Variants in MKI67 observed in about 807,000 individuals in gnomAD.
The protein encoded by MKI67 is proliferation marker protein Ki-67.
A neutral mutation model predicts 233.5 loss-of-function variants in MKI67; 152 were observed. The ratio of observed to expected loss-of-function variants is 0.65; its 90% confidence interval spans 0.57 to 0.74. The LOEUF is 0.74. MKI67 is among the 30% of genes least tolerant of loss of function. The pLI, the probability that MKI67 is intolerant of heterozygous loss-of-function variation, is 0.00. For missense variants in MKI67, 3,940 were observed against 3,885.2 expected, an observed-to-expected ratio of 1.01 and a Z score of -0.37; for synonymous variants, 1,465 against 1,418.5, an observed-to-expected ratio of 1.03 and a Z score of -0.74.
At chr10:128,120,155 T>C (rs1484219465) in intron 4 of MKI67, among the ~76,000 whole-genome samples, 2 of 152,206 alleles carry the variant, frequency 1.3e-5, no homozygotes, top group East Asian at 1.9e-4. Context: ...GATAATATCT[T>C]GTTTTGAAAA....
At position 128,105,875 on chromosome 10, in the gene MKI67, C is replaced by G; in HGVS notation, c.5965G>C (p.Val1989Leu). 2 of 1,613,230 alleles carry G rather than the reference C, an allele frequency of 1.2e-6. No homozygotes were observed. Among genetic ancestry groups the G allele is most frequent in the Non-Finnish European group, 1.7e-6 (2 of 1,179,814 alleles). The change falls in exon 13 of 15, where the codon GTC becomes CTC. Residue 1989 changes from valine (V) to leucine (L), a missense_variant. Coordinates refer to ENST00000368654, the MANE Select transcript of MKI67 (RefSeq NM_002417.5). ...TGCTTGGAGCTTGTTGGGGTTTTGACTGGGTCTGGTTGTGGAGATTTGCAG... is the reference window on the plus strand; with the variant it reads ...TGCTTGGAGCTTGTTGGGGTTTTGAGTGGGTCTGGTTGTGGAGATTTGCAG... ...VSCKSPQPDP[V>L]KTPTSSKQRL...
In MKI67 at chr10:128,108,077, G is replaced by C; in HGVS notation, c.3763C>G (p.Gln1255Glu). Residue 1255 changes from glutamine (Q) to glutamate (E), a missense_variant, in exon 13 of 15, where the codon CAG (glutamine) becomes GAG (glutamate). Coordinates refer to ENST00000368654, the MANE Select transcript of MKI67 (RefSeq NM_002417.5). Reference sequence around the variant, plus strand: ...GTTGGGGTGTCCACTGGGTCTGACTGTGGAGAGTCGCAGGGTATTTTAGTG... The same window carrying C: ...GTTGGGGTGTCCACTGGGTCTGACTCTGGAGAGTCGCAGGGTATTTTAGTG... ...KTTKIPCDSPQSDPVDTPTST... is the reference protein window; with the variant it reads ...KTTKIPCDSPESDPVDTPTST... 3.1e-6 allele frequency: 5 copies of C among 1,613,696 alleles called. No individual in the cohort carries two copies. Among genetic ancestry groups the C allele is most frequent in the Non-Finnish European group, 4.2e-6 (5 of 1,179,974 alleles).
In MKI67 at chr10:128,103,835, G is replaced by A. The variant is rs34126970; in HGVS notation, c.8005C>T (p.Pro2669Ser). Residue 2669 changes from proline to serine, a missense_variant, in exon 13 of 15, where the codon CCT (proline) becomes TCT (serine). Pro to Ser is a moderately conservative substitution (Grantham distance 74). Transcript: ENST00000368654. ...EEPSRRRPRA[P>S]KEKAQPLEDL... ...TCCAGGGGTTGGGCCTTTTCCTTAG[G>A]TGCTCTTGGCCTTCTCCTGCTGGGT... 2,124 of 1,614,010 alleles carry A rather than the reference G, an allele frequency of 1.3e-3. 32 individuals carry two copies. The African/African-American group carries it at 0.024, about 19-fold the overall frequency.
Position 128,103,287 on chromosome 10 carries a change from C to G in MKI67, c.8553G>C (p.Val2851=). ...RPRTRAQKVE[V]KEELLAVGKL... ...TGCCAACTGCTAACAGCTCCTCCTT[C>G]ACTTCTACTTTCTGGGCACGTGTCC... is the stretch of plus-strand genomic sequence containing the variant. The change falls in exon 13 of 15, where the codon GTG becomes GTC. Residue 2851 remains valine (V), a synonymous_variant. Transcript: ENST00000368654. 1 of 1,614,178 alleles carries G rather than the reference C, an allele frequency of 6.2e-7. No individual in the cohort carries two copies. Among genetic ancestry groups the G allele is most frequent in the East Asian group, 2.2e-5 (1 of 44,878 alleles).
chr10:128,122,016 A>G (rs116334632), intron 4 of MKI67, among the ~76,000 whole-genome samples: 2,733 of 152,312 alleles, frequency 0.018, 83 homozygotes, highest in African/African-American at 0.063. Flanking sequence ...CTAAAAGCCA[A>G]AACGGTGGTT....
chr10:128,110,652 T>A (rs1852655734), intron 11 of MKI67, 119 bp from the exon 12 acceptor site: 5 of 658,186 alleles, frequency 7.6e-6, no homozygotes, highest in Non-Finnish European at 1.2e-5. Flanking sequence ...TCCCTTGAAA[T>A]CCTGGTACAT....
Position 128,108,246 on chromosome 10 carries a change from C to A in MKI67, c.3594G>T (p.Leu1198=). ...KAFMGTPVQK[L]DLAGTLPGSK... ...TGCCAGGTAAAGTTCCTGCCAGGTC[C>A]AGTTTCTGCACTGGAGTTCCCATAA... Residue 1198 remains leucine, a synonymous_variant, in exon 13 of 15, where the codon CTG becomes CTT. Transcript: ENST00000368654. 2 of 1,613,668 alleles carry A rather than the reference C, an allele frequency of 1.2e-6. No individual in the cohort carries two copies. The highest frequency in any genetic ancestry group is 2.2e-5 in the South Asian group (2 of 91,066).
In MKI67 at chr10:128,103,480, G is replaced by T; in HGVS notation, c.8360C>A (p.Pro2787Gln). 1 of 1,614,012 alleles carries T rather than the reference G, an allele frequency of 6.2e-7. No individual in the cohort carries two copies. The highest frequency in any genetic ancestry group is 8.5e-7 in the Non-Finnish European group (1 of 1,179,918). Reference protein sequence around the residue: ...AASVTGSRRRPRAPRESAQAI... With the variant: ...AASVTGSRRRQRAPRESAQAI... ...TTGGGCACTTTCCCTGGGTGCTCTT[G>T]GCCGTCTCCTGCTGCCAGTTACACT... Residue 2787 changes from proline (P) to glutamine (Q), a missense_variant, in exon 13 of 15, where the codon CCA becomes CAA. By Grantham distance (76) the Pro-to-Gln change is moderately conservative (BLOSUM62 -1). Transcript: ENST00000368654.
At chr10:128,121,428 T>C (rs1260334619) in intron 4 of MKI67, among the ~76,000 whole-genome samples, 2 of 141,088 alleles carry the variant, frequency 1.4e-5, no homozygotes, top group African/African-American at 5.2e-5. Flanking sequence ...ATATATACCA[T>C]ATAGTATATA....
chr10:128,105,559 G>C lies in MKI67; in HGVS notation c.6281C>G (p.Thr2094Ser). The C allele has an allele frequency of 6.2e-7, 1 of 1,613,998 alleles. No homozygotes were observed. The highest frequency in any genetic ancestry group is 8.5e-7 in the Non-Finnish European group (1 of 1,180,000). The change falls in exon 13 of 15, where the codon ACT (threonine) becomes AGT (serine). Residue 2094 changes from threonine (T) to serine (S), a missense_variant. Thr to Ser is a moderately conservative substitution (Grantham distance 58). Transcript: ENST00000368654. Reference protein sequence around the residue: ...QTPDHTEESTTDDKTTKIACK... With the variant: ...QTPDHTEESTSDDKTTKIACK... ...GGCTATTTTGGTAGTTTTGTCATCA[G>C]TTGTTGATTCCTCAGTGTGGTCTGG...
rs1852231045 is a variant in MKI67, at chr10:128,097,278, C to T, written c.*1912G>A. 6.6e-6 allele frequency: 1 copy of T among 152,072 alleles called. No individual in the cohort carries two copies. Among genetic ancestry groups the T allele is most frequent in the African/African-American group, 2.4e-5 (1 of 41,398 alleles). 9.4% of individuals were successfully genotyped at this position (152,072 alleles called of 1,614,324 possible). ...AATGGGCAGTATTTGTCAGATCTCT[C>T]CCTCCCCCAGTACCAAGGAGGGTTG... On this transcript the variant is annotated 3_prime_UTR_variant, in exon 15 of 15. Coordinates refer to ENST00000368654, the MANE Select transcript of MKI67 (RefSeq NM_002417.5).
intron 8 of MKI67, 89 bp from the exon 9 acceptor site, chr10:128,112,534 C>T (rs764053526): frequency 7.9e-5 from 102 of 1,294,322 alleles, no homozygotes; most frequent in Non-Finnish European, 1.0e-4. Context: ...TTAAGAATTT[C>T]AGCTGTTTAA....
At chr10:128,113,687 A>AC in intron 7 of MKI67, 85 bp from the exon 8 acceptor site, 2 of 1,287,196 alleles carry the variant, frequency 1.6e-6, no homozygotes, top group Non-Finnish European at 2.2e-6. Flanking sequence ...ATTAAAGACA[A>AC]ACCAAGTGAA....
intron 6 of MKI67, 99 bp from the exon 7 acceptor site, chr10:128,116,106 T>C: frequency 5.8e-6 from 8 of 1,386,340 alleles, no homozygotes; most frequent in South Asian, 1.4e-5. Flanking sequence ...GGTTGTCTTA[T>C]AAGCTAGCTT....
chr10:128,106,825 CT>C lies in MKI67; in HGVS notation c.5014del (p.Ser1672AlafsTer2), dbSNP rs758315460. 1 of 1,614,072 alleles carries C rather than the reference CT, an allele frequency of 6.2e-7. No individual in the cohort carries two copies. The highest frequency in any genetic ancestry group is 1.1e-5 in the South Asian group (1 of 91,072). On this transcript the variant is annotated frameshift_variant, in exon 13 of 15. Transcript: ENST00000368654. LOFTEE classifies it high-confidence loss of function. The part of the protein sequence containing the change: ...THTEPTGDGK[S>X]MKAFMESPKQ... The stretch of plus-strand genomic sequence containing the variant: ...TGGAGACTCCATAAATGCTTTCATG[CT>C]CTTACCATCTCCTGTTGGCTCTGTG...
At chr10:128,124,934 G>A (rs1040144979) in intron 2 of MKI67, among the ~76,000 whole-genome samples, 3 of 151,732 alleles carry the variant, frequency 2.0e-5, no homozygotes, top group Non-Finnish European at 4.4e-5. Context: ...GATGGGGTTG[G>A]GAGGACAGGG....
intron 12 of MKI67, among the ~76,000 whole-genome samples, chr10:128,109,799 A>G (rs1276361153): frequency 6.6e-6 from 1 of 152,220 alleles, no homozygotes; most frequent in Admixed American, 6.5e-5. Context: ...ATAAAATAAC[A>G]TGGATTATCC....
At position 128,110,370 on chromosome 10, in the gene MKI67, A is replaced by AAACC; in HGVS notation, c.2416+4_2416+7dup. ...AACATCACAGTGTTAGGAAACAAGGAAACCAACCAAAACTCTCTGAGGTGG... is the reference window on the plus strand; with the variant it reads ...AACATCACAGTGTTAGGAAACAAGGAAACCAACCAACCAAAACTCTCTGAGGTGG... On this transcript the variant is annotated splice_region_variant and intron_variant, in intron 12 of 14. Transcript: ENST00000368654. The AAACC allele has an allele frequency of 6.4e-7, 1 of 1,553,132 alleles. No individual in the cohort carries two copies. Among genetic ancestry groups the AAACC allele is most frequent in the Non-Finnish European group, 8.8e-7 (1 of 1,136,750 alleles).
In MKI67 at chr10:128,104,863, G is replaced by C; in HGVS notation, c.6977C>G (p.Pro2326Arg). 1.4e-5 allele frequency: 22 copies of C among 1,610,742 alleles called. No individual in the cohort carries two copies. The highest frequency in any genetic ancestry group is 1.9e-5 in the Non-Finnish European group (22 of 1,179,224). Reference protein sequence around the residue: ...LAGFKELFQTPGTDKPTTDEK... With the variant: ...LAGFKELFQTRGTDKPTTDEK... ...ATCAGTCGTGGGCTTGTCAGTGCCT[G>C]GTGTCTGGAAGAGCTCTTTGAAGCC... The change falls in exon 13 of 15, where the codon CCA becomes CGA. Residue 2326 changes from proline (P) to arginine (R), a missense_variant. Pro to Arg is a moderately radical substitution (Grantham distance 103, BLOSUM62 -2). Transcript: ENST00000368654.
Sources: allele counts gnomAD v4.1 joint callset (sites outside exome capture counted in the v4.1 genomes callset), GRCh38; gene constraint gnomAD v4.1.1; transcripts MANE v1.5; gene names NCBI Gene and HGNC (gene_info 2026-07-23, HGNC 2026-07-21).